Variants in KIF1A observed in about 807,000 individuals in gnomAD.
KIF1A encodes kinesin-like protein KIF1A.
KIF1A carries 46 observed loss-of-function variants against 227.3 expected under a neutral mutation model. The observed-to-expected ratio is 0.20, with a 90% CI of 0.16 to 0.26. The LOEUF (loss-of-function observed/expected upper bound fraction) is 0.26. Among genes scored for constraint, KIF1A ranks in the 10% least tolerant of loss-of-function variants. The pLI is 1.00. For synonymous variants in KIF1A, 1,022 were observed against 1,012.8 expected (o/e 1.01, Z -0.17); for missense variants, 1,683 against 2,485.9 (o/e 0.68, Z 6.87).
intron 11 of KIF1A, 129 bp from the exon 12 acceptor site, chr2:240,774,390 T>TTC: frequency 5.3e-6 from 2 of 374,218 alleles, no homozygotes; most frequent in South Asian, 3.4e-5. Context: ...GTCACAGGCT[T>TTC]ACCCCCCCCC....
chr2:240,759,749 A>G (rs1277937961), intron 25 of KIF1A, among the ~76,000 whole-genome samples: 1 of 152,164 alleles, frequency 6.6e-6, no homozygotes, highest in Non-Finnish European at 1.5e-5. Flanking sequence ...GCTTGCACCT[A>G]TAACGCTAGT....
intron 38 of KIF1A, among the ~76,000 whole-genome samples, chr2:240,728,040 C>A (rs915479783): frequency 2.6e-5 from 4 of 152,212 alleles, no homozygotes; most frequent in African/African-American, 9.6e-5. Context: ...CGCAAGGACA[C>A]AGTTCAGAGA....
In KIF1A at chr2:240,789,662, G is replaced by A. The variant is rs1310433458; in HGVS notation, c.107-350C>T. Among the ~76,000 whole-genome samples, 1 of 152,198 alleles carries A rather than the reference G, an allele frequency of 6.6e-6. No individual in the cohort carries two copies. The highest frequency in any genetic ancestry group is 1.5e-5 in the Non-Finnish European group (1 of 68,028). ...CCCCTCCATCTCTGGTGTCCACCTT[G>A]GGCTCACAGCCCCTGCCCTGCCCCG... is the stretch of plus-strand genomic sequence containing the variant. On this transcript the variant is annotated intron_variant, in intron 2 of 48. Coordinates refer to ENST00000498729, the MANE Select transcript of KIF1A (RefSeq NM_001244008.2). This position sits in a 1 kb window ranked among gnomAD's most constrained non-coding sequence, Gnocchi z 4.8.
chr2:240,807,094 G>A lies in KIF1A; in HGVS notation c.-60-9282C>T, dbSNP rs1392219023. ...CTCATATATATGTGTGTGTGTGTGT[G>A]TGTGTGTGTGTGTGTGTGTGTGTGT... On this transcript the variant is annotated intron_variant, in intron 1 of 48. Transcript: ENST00000498729. 8.6e-5 allele frequency among the ~76,000 whole-genome samples: 8 copies of A among 93,096 alleles called. No individual in the cohort carries two copies. The South Asian group carries it at 9.1e-4, about 11-fold the overall frequency. The allele number at this position is 93,096 out of a possible 152,430, so 61.1% of individuals were successfully genotyped here.
At chr2:240,751,318 C>G (rs1361642886) in intron 27 of KIF1A, among the ~76,000 whole-genome samples, 1 of 152,212 alleles carries the variant, frequency 6.6e-6, no homozygotes, top group African/African-American at 2.4e-5. Context: ...GAAGGATACC[C>G]TGCTTCCTGC....
chr2:240,769,678 T>C lies in KIF1A; in HGVS notation c.1370A>G (p.Asn457Ser). 1 of 1,613,576 alleles carries C rather than the reference T, an allele frequency of 6.2e-7. No homozygotes were observed. Among genetic ancestry groups the C allele is most frequent in the Non-Finnish European group, 8.5e-7 (1 of 1,179,782 alleles). Residue 457 changes from asparagine to serine, a missense_variant, in exon 16 of 49, where the codon AAT (asparagine) becomes AGT (serine). Transcript: ENST00000498729. ...KETEKIIAELNETWEEKLRRT... is the reference protein window; with the variant it reads ...KETEKIIAELSETWEEKLRRT... ...CCGCAGCTTCTCCTCCCAGGTCTCATTGAGCTCAGCTATGATCTTCTCTGT... is the reference window on the plus strand; with the variant it reads ...CCGCAGCTTCTCCTCCCAGGTCTCACTGAGCTCAGCTATGATCTTCTCTGT...
At position 240,792,075 on chromosome 2, in the gene KIF1A, A is replaced by T. The variant is rs1015511904; in HGVS notation, c.107-2763T>A. 4.6e-5 allele frequency among the ~76,000 whole-genome samples: 7 copies of T among 150,938 alleles called. No homozygotes were observed. Among genetic ancestry groups the T allele is most frequent in the Non-Finnish European group, 7.4e-5 (5 of 67,674 alleles). ...GCTGGGAACCATCCTCTGTCACTAC[A>T]GATGGGCCCCAAGCTCCAGAGAGGG... On this transcript the variant is annotated intron_variant, in intron 2 of 48. Transcript: ENST00000498729. This position sits in a 1 kb window ranked among gnomAD's most constrained non-coding sequence, Gnocchi z 4.5.
chr2:240,766,749 T>TCTCTCTCTCACACACA lies in KIF1A; in HGVS notation c.1684+165_1684+166insTGTGTGTGAGAGAGAG, dbSNP rs1454271542. Among the ~76,000 whole-genome samples the TCTCTCTCTCACACACA allele has an allele frequency of 3.4e-4, 37 of 109,018 alleles. No individual in the cohort carries two copies. In the South Asian group the frequency reaches 6.7e-3, roughly 20 times the overall value. 71.5% of individuals were successfully genotyped at this position (109,018 alleles called of 152,430 possible). A position where few individuals can be genotyped will look rare whatever the true frequency, so the allele number is the denominator to read the frequency against. On this transcript the variant is annotated intron_variant, in intron 19 of 48. Transcript: ENST00000498729. The surrounding 1 kb of genome is among the most constrained non-coding windows in gnomAD (Gnocchi z 5.0). The stretch of plus-strand genomic sequence containing the variant: ...CTCTCTCTCTCTCTCTCTCTCTCTC[T>TCTCTCTCTCACACACA]CACACACACACACACACACACACAC...
At chr2:240,808,864 G>A (rs2057646217) in intron 1 of KIF1A, among the ~76,000 whole-genome samples, 1 of 151,838 alleles carries the variant, frequency 6.6e-6, no homozygotes, top group African/African-American at 2.4e-5. Flanking sequence ...CCGAGTAGTT[G>A]GGATTACAGG....
intron 11 of KIF1A, among the ~76,000 whole-genome samples, chr2:240,774,957 C>T (rs954230931): frequency 4.6e-5 from 7 of 152,256 alleles, no homozygotes; most frequent in Non-Finnish European, 7.4e-5. Context: ...ACTGAAGAGA[C>T]GGTGTGAAGG....
intron 23 of KIF1A, 60 bp downstream of exon 23, chr2:240,762,659 T>C: frequency 6.8e-7 from 1 of 1,473,526 alleles, no homozygotes; most frequent in South Asian, 1.4e-5. Flanking sequence ...GGCCCAGGGC[T>C]GCCCACCTCC....
Position 240,789,990 on chromosome 2 carries a change from G to A in KIF1A, c.107-678C>T, listed in dbSNP as rs990788061. On this transcript the variant is annotated intron_variant, in intron 2 of 48. Transcript: ENST00000498729. This position sits in a 1 kb window ranked among gnomAD's most constrained non-coding sequence, Gnocchi z 4.8. ...ATGCCCCCGCCCACAGCCGGTGCCT[G>A]GGGGGGTTTCCCAGGAGCTGTCCCA... 6.6e-6 allele frequency among the ~76,000 whole-genome samples: 1 copy of A among 152,050 alleles called. No homozygotes were observed. The highest frequency in any genetic ancestry group is 1.5e-5 in the Non-Finnish European group (1 of 68,010).
chr2:240,807,018 C>T (rs974739883), intron 1 of KIF1A, among the ~76,000 whole-genome samples: 1 of 151,858 alleles, frequency 6.6e-6, no homozygotes, highest in East Asian at 1.9e-4. Flanking sequence ...TCCACAGATG[C>T]TCAAGTCCCT....
At chr2:240,801,721 G>A (rs967454859) in intron 1 of KIF1A, among the ~76,000 whole-genome samples, 19 of 152,184 alleles carry the variant, frequency 1.2e-4, no homozygotes, top group African/African-American at 4.3e-4. Flanking sequence ...AGAAATGCCA[G>A]AGACACCCCT....
intron 20 of KIF1A, among the ~76,000 whole-genome samples, chr2:240,764,827 G>A (rs2050955780): frequency 6.6e-6 from 1 of 152,108 alleles, no homozygotes; most frequent in African/African-American, 2.4e-5. Flanking sequence ...AGACCTAAGA[G>A]CAAACTGGGG....
chr2:240,731,911 G>T (rs1575536181), intron 38 of KIF1A, among the ~76,000 whole-genome samples: 4 of 128,524 alleles, frequency 3.1e-5, no homozygotes, highest in Admixed American at 7.6e-5. Flanking sequence ...GAGGGGAGGA[G>T]GGGAGGAGGG....
chr2:240,723,386 G>C, intron 42 of KIF1A, 27 bp downstream of exon 42: 2 of 1,532,530 alleles, frequency 1.3e-6, no homozygotes, highest in Non-Finnish European at 1.8e-6. Flanking sequence ...ACCACCGTGC[G>C]GGCCTCATCC....
intron 7 of KIF1A, among the ~76,000 whole-genome samples, chr2:240,784,309 G>A (rs1029939143): frequency 3.3e-5 from 5 of 152,054 alleles, no homozygotes; most frequent in South Asian, 2.1e-4. Flanking sequence ...GCCCTGCACC[G>A]GGAGGCCTGG....
At chr2:240,730,046 G>A (rs549195225) in intron 38 of KIF1A, among the ~76,000 whole-genome samples, 2 of 152,326 alleles carry the variant, frequency 1.3e-5, no homozygotes, top group South Asian at 2.1e-4. Context: ...ACCTGGTCAC[G>A]GGCAGCAGAC....
Sources: gnomAD v4.1 joint callset for allele counts (sites outside exome capture counted in the v4.1 genomes callset) on GRCh38, gnomAD v4.1.1 for gene constraint, Gnocchi (gnomAD v3.1) non-coding constraint, MANE v1.5 for transcripts, NCBI Gene and HGNC (gene_info 2026-07-23, HGNC 2026-07-21) for gene names.